Variants in PTPRT observed in about 807,000 individuals in gnomAD.
PTPRT encodes the protein protein tyrosine phosphatase receptor type T.
A neutral mutation model predicts 176.8 loss-of-function variants in PTPRT; 56 were observed. That is an observed-to-expected ratio of 0.32 (90% CI 0.26 to 0.40). The LOEUF is 0.40. PTPRT is among the 10% of genes least tolerant of loss of function. PTPRT has a pLI of 1.00. For missense variants in PTPRT, 1,540 were observed against 1,908.2 expected (o/e 0.81, Z 3.60); for synonymous variants, 783 against 739.0 (o/e 1.06, Z -0.96).
chr20:42,180,784 T>C (rs1257140186), intron 16 of PTPRT, among the ~76,000 whole-genome samples: 1 of 152,194 alleles, frequency 6.6e-6, no homozygotes, highest in East Asian at 1.9e-4. Flanking sequence ...AAGACACCAC[T>C]GTCCCAGTAT....
chr20:42,386,350 A>G (rs1292820966), intron 9 of PTPRT, among the ~76,000 whole-genome samples: 1 of 151,762 alleles, frequency 6.6e-6, no homozygotes, highest in Non-Finnish European at 1.5e-5. Context: ...AGGAGTTTAA[A>G]AAAGAAAATA....
rs150938657 is a variant in PTPRT at position 42,573,749 on chromosome 20, CT to C, written c.1154-101188del. 2.2e-3 allele frequency among the ~76,000 whole-genome samples: 244 copies of C among 112,578 alleles called. 1 individual carries two copies. Among genetic ancestry groups the C allele is most frequent in the East Asian group, 4.5e-3 (16 of 3,580 alleles). 73.9% of individuals were successfully genotyped at this position (112,578 alleles called of 152,430 possible). A position where few individuals can be genotyped will look rare whatever the true frequency, so the allele number is the denominator to read the frequency against. On this transcript the variant is annotated intron_variant, in intron 7 of 30. Transcript: ENST00000373187. ...GGCAAGACGGACCCTTTCTTTCTTT[CT>C]TTTTTTTTTTTTTTTTGAGATGGAG... is the stretch of plus-strand genomic sequence containing the variant.
At chr20:43,170,653 T>C (rs1164792068) in intron 1 of PTPRT, among the ~76,000 whole-genome samples, 2 of 152,218 alleles carry the variant, frequency 1.3e-5, no homozygotes, top group East Asian at 3.9e-4. Flanking sequence ...ATGCATCCTC[T>C]GAAATCTTCA....
intron 7 of PTPRT, among the ~76,000 whole-genome samples, chr20:42,516,351 T>TCATC (rs1037123648): frequency 6.6e-6 from 1 of 152,180 alleles, no homozygotes; most frequent in Non-Finnish European, 1.5e-5. Flanking sequence ...ACCACTATGT[T>TCATC]CATCCCTTTT....
intron 9 of PTPRT, among the ~76,000 whole-genome samples, chr20:42,437,008 A>C (rs1369235079): frequency 6.6e-6 from 1 of 152,222 alleles, no homozygotes; most frequent in Non-Finnish European, 1.5e-5. Context: ...AAGTAGCAAA[A>C]CTATATAAAA....
chr20:42,476,169 T>G (rs2071285258), intron 7 of PTPRT, among the ~76,000 whole-genome samples: 1 of 152,214 alleles, frequency 6.6e-6, no homozygotes, highest in Non-Finnish European at 1.5e-5. Context: ...GTACTCCTTT[T>G]AGAGAGAATT....
the PTPRT span, among the ~76,000 whole-genome samples, chr20:42,067,725 A>G: frequency 1.3e-5 from 2 of 152,104 alleles, no homozygotes; most frequent in Admixed American, 6.5e-5. Flanking sequence ...ACTTTACATC[A>G]AGTCCATTTT....
intron 14 of PTPRT, among the ~76,000 whole-genome samples, chr20:42,241,989 T>A (rs1213420822): frequency 6.6e-6 from 1 of 152,222 alleles, no homozygotes; most frequent in Non-Finnish European, 1.5e-5. Flanking sequence ...AGGTATGTGA[T>A]TCCAGGTAAT....
At chr20:42,314,319 G>C (rs1330238182) in intron 12 of PTPRT, among the ~76,000 whole-genome samples, 1 of 152,090 alleles carries the variant, frequency 6.6e-6, no homozygotes, top group African/African-American at 2.4e-5. Flanking sequence ...ACGAGGTCAG[G>C]AGACCGAGAC....
chr20:42,163,747 T>C (rs571657895), intron 16 of PTPRT, among the ~76,000 whole-genome samples: 1 of 152,156 alleles, frequency 6.6e-6, no homozygotes, highest in East Asian at 1.9e-4. Flanking sequence ...TGGGTAGAAA[T>C]GTCAGGGGAG....
chr20:42,175,221 TA>T (rs1453446817), intron 16 of PTPRT, among the ~76,000 whole-genome samples: 1 of 152,194 alleles, frequency 6.6e-6, no homozygotes, highest in Non-Finnish European at 1.5e-5. Flanking sequence ...AGATTTAAGA[TA>T]TTTAATATGG....
chr20:42,443,983 C>T lies in PTPRT; in HGVS notation c.1560+4237G>A, dbSNP rs1217242612. 2.0e-5 allele frequency among the ~76,000 whole-genome samples: 3 copies of T among 152,166 alleles called. No individual in the cohort carries two copies. The East Asian group carries it at 5.8e-4, about 29-fold the overall frequency. On this transcript the variant is annotated intron_variant, in intron 9 of 30. Transcript: ENST00000373187. ...CTTATCCACACAACAGCTGGATGACCTTTTAAGAATATAAATTGGATCCCT... is the reference window on the plus strand; with the variant it reads ...CTTATCCACACAACAGCTGGATGACTTTTTAAGAATATAAATTGGATCCCT...
intron 1 of PTPRT, among the ~76,000 whole-genome samples, chr20:43,045,811 C>A (rs930684417): frequency 6.6e-6 from 1 of 151,886 alleles, no homozygotes; most frequent in African/African-American, 2.4e-5. Flanking sequence ...GAAGGACACG[C>A]ATAAGAATAC....
At chr20:42,494,923 C>T (rs1471804153) in intron 7 of PTPRT, among the ~76,000 whole-genome samples, 3 of 152,176 alleles carry the variant, frequency 2.0e-5, no homozygotes, top group African/African-American at 7.2e-5. Flanking sequence ...TTTAGCATCA[C>T]ATCTTTCTAG....
At chr20:42,745,892 T>C (rs1269707324) in intron 6 of PTPRT, among the ~76,000 whole-genome samples, 2 of 152,134 alleles carry the variant, frequency 1.3e-5, no homozygotes, top group African/African-American at 4.8e-5. Flanking sequence ...ATGGTGAAGA[T>C]TAAATACAAC....
At chr20:42,308,163 C>A (rs2057572976) in intron 12 of PTPRT, among the ~76,000 whole-genome samples, 1 of 151,752 alleles carries the variant, frequency 6.6e-6, no homozygotes, top group South Asian at 2.1e-4. Context: ...AAGAAATAAC[C>A]ACAAAAATGG....
intron 7 of PTPRT, among the ~76,000 whole-genome samples, chr20:42,561,221 A>G (rs1342302328): frequency 6.6e-6 from 1 of 152,222 alleles, no homozygotes; most frequent in African/African-American, 2.4e-5. Context: ...CTTAGAGGCT[A>G]CCATGAGAAG....
chr20:42,897,479 G>A (rs1196694895), intron 1 of PTPRT, among the ~76,000 whole-genome samples: 1 of 152,190 alleles, frequency 6.6e-6, no homozygotes, highest in Non-Finnish European at 1.5e-5. Flanking sequence ...GACTTCCAAG[G>A]CAGCACAGTA....
intron 1 of PTPRT, among the ~76,000 whole-genome samples, chr20:43,065,354 C>A (rs571957196): frequency 6.6e-6 from 1 of 152,268 alleles, no homozygotes; most frequent in South Asian, 2.1e-4. Flanking sequence ...AAGAGCCAGG[C>A]CTGAAAGTGG....
Sources: allele counts gnomAD v4.1 joint callset (sites outside exome capture counted in the v4.1 genomes callset), GRCh38; gene constraint gnomAD v4.1.1; transcripts MANE v1.5; gene names NCBI Gene and HGNC (gene_info 2026-07-23, HGNC 2026-07-21).